Variants in ATP1A3 observed in about 807,000 individuals in gnomAD.
ATP1A3 encodes sodium/potassium-transporting ATPase subunit alpha-3.
Under a neutral mutation model 108.8 loss-of-function variants are expected in ATP1A3, and 12 were observed. That is an observed-to-expected ratio of 0.11 (90% CI 0.07 to 0.18). The LOEUF (loss-of-function observed/expected upper bound fraction) is 0.18, where lower values mean the gene tolerates loss of function less well. ATP1A3 is among the 10% of genes least tolerant of loss of function. The pLI is 1.00. For synonymous variants in ATP1A3, 539 were observed against 564.5 expected (o/e 0.95, Z 0.64); for missense variants, 498 against 1,387.7 (o/e 0.36, Z 10.19).
rs782577052 is a variant in ATP1A3, at chr19:41,968,939, C to T, written c.2689-24G>A. 10 of 1,613,206 alleles carry T rather than the reference C, an allele frequency of 6.2e-6. No individual in the cohort carries two copies. The highest frequency in any genetic ancestry group is 2.2e-5 in the South Asian group (2 of 91,068). ...GTCTGCAGGAGCGGTGACCAGGGCA[C>T]GGGACGTCAGTTAGTGGCACTGCAG... On this transcript the variant is annotated intron_variant, in intron 19 of 22. Transcript: ENST00000648268. The surrounding 1 kb of genome is among the most constrained non-coding windows in gnomAD (Gnocchi z 5.0).
chr19:41,966,865 T>C lies in ATP1A3; in HGVS notation c.*72A>G, dbSNP rs186061886. ...GGGCTCCTCCCCCCAGAATACAAAATTGGGGGGACTGACAGGGGCGGTCCT... is the reference window on the plus strand; with the variant it reads ...GGGCTCCTCCCCCCAGAATACAAAACTGGGGGGACTGACAGGGGCGGTCCT... On this transcript the variant is annotated 3_prime_UTR_variant, in exon 23 of 23. Transcript: ENST00000648268. The C allele has an allele frequency of 6.9e-5, 106 of 1,546,304 alleles. 1 individual carries two copies. In the Admixed American group the frequency reaches 7.1e-4, roughly 10 times the overall value.
At chr19:41,979,376 G>A (rs984361098) in intron 11 of ATP1A3, among the ~76,000 whole-genome samples, 2 of 151,492 alleles carry the variant, frequency 1.3e-5, no homozygotes, top group Admixed American at 6.6e-5. Context: ...GAACAGTGGC[G>A]AGATCACAGC....
intron 16 of ATP1A3, among the ~76,000 whole-genome samples, chr19:41,970,954 C>A (rs549988159): frequency 2.0e-5 from 3 of 150,192 alleles, no homozygotes; most frequent in Non-Finnish European, 4.4e-5. Flanking sequence ...TTTTCTACCC[C>A]CCAGCCCACC....
chr19:41,975,136 C>T (rs1257740669), intron 16 of ATP1A3, among the ~76,000 whole-genome samples: 1 of 152,150 alleles, frequency 6.6e-6, no homozygotes, highest in African/African-American at 2.4e-5. Flanking sequence ...ACTGCAACCT[C>T]CACCTCCTGG....
In ATP1A3 at chr19:41,966,922, G is replaced by A; in HGVS notation, c.*15C>T. On this transcript the variant is annotated 3_prime_UTR_variant, in exon 23 of 23. Transcript: ENST00000648268. ...GGGGGACGGGGAAGAGATGGGCGAT[G>A]TGGTGGGGCTGAGGTCAGTAGTAGG... 6.4e-7 allele frequency: 1 copy of A among 1,551,422 alleles called. No homozygotes were observed. The highest frequency in any genetic ancestry group is 8.7e-7 in the Non-Finnish European group (1 of 1,146,982).
At chr19:41,993,799 G>A (rs1256370665) in intron 1 of ATP1A3, 2 of 638,114 alleles carry the variant, frequency 3.1e-6, no homozygotes, top group African/African-American at 1.9e-5. Context: ...CTGTGCACAT[G>A]CAACCGCACA....
intron 11 of ATP1A3, among the ~76,000 whole-genome samples, chr19:41,980,609 T>C (rs1200183735): frequency 6.6e-6 from 1 of 151,178 alleles, no homozygotes; most frequent in African/African-American, 2.4e-5. Context: ...CAAGACTCCA[T>C]CTCAAAAAAA....
chr19:41,977,998 G>A lies in ATP1A3; in HGVS notation c.1881C>T (p.Gly627=), dbSNP rs782598926. 1 of 1,614,254 alleles carries A rather than the reference G, an allele frequency of 6.2e-7. No homozygotes were observed. The highest frequency in any genetic ancestry group is 1.1e-5 in the South Asian group (1 of 91,088). The change falls in exon 14 of 23, where the codon GGC becomes GGT. Residue 627 remains glycine, a synonymous_variant. Transcript: ENST00000648268. The part of the protein sequence containing the change: ...IAKGVGIISE[G]NETVEDIAAR... ...CGGCGATGTCCTCCACAGTCTCGTT[G>A]CCCTCAGAGATGATGCCCACACCCT...
rs1555865215 is a variant in ATP1A3, at chr19:41,985,821, C to A, written c.606+43G>T. 4.3e-6 allele frequency: 7 copies of A among 1,609,410 alleles called. No homozygotes were observed. Among genetic ancestry groups the A allele is most frequent in the Non-Finnish European group, 5.9e-6 (7 of 1,179,026 alleles). ...GAGGGGCTGGGCCTGAGCTCCTGGG[C>A]AGCCCGAGGGAGGGTAAAGCCGGGC... On this transcript the variant is annotated intron_variant, in intron 6 of 22. Coordinates refer to ENST00000648268, the MANE Select transcript of ATP1A3 (RefSeq NM_152296.5). The surrounding 1 kb of genome is among the most constrained non-coding windows in gnomAD (Gnocchi z 8.2).
At chr19:41,972,786 GGGAAGGAAGGAAGGAAGGGGAAGGAA>G (rs1225079238) in intron 16 of ATP1A3, among the ~76,000 whole-genome samples, 1 of 144,250 alleles carries the variant, frequency 6.9e-6, no homozygotes, top group South Asian at 2.3e-4. Flanking sequence ...GGAGGGGAGG[GGGAAGGAAGGAAGGAAGGGGAAGGAA>G]GGAAGGAAGG....
chr19:41,990,979 G>C (rs2075332525), intron 1 of ATP1A3: 1 of 152,440 alleles, frequency 6.6e-6, no homozygotes, highest in Non-Finnish European at 1.5e-5. Context: ...CCTTAACAGA[G>C]GCTGGGCATG....
Position 41,984,933 on chromosome 19 carries a change from C to G in ATP1A3, c.978G>C (p.Leu326=), listed in dbSNP as rs782123773. 1.2e-5 allele frequency: 19 copies of G among 1,613,212 alleles called. No individual in the cohort carries two copies. The East Asian group carries it at 4.0e-4, about 34-fold the overall frequency. The change falls in exon 8 of 23, where the codon CTG becomes CTC. Residue 326 remains leucine, a synonymous_variant. Coordinates refer to ENST00000648268, the MANE Select transcript of ATP1A3 (RefSeq NM_152296.5). ...GIIVANVPEG[L]LATVTVCLTL... is the part of the protein sequence containing the mutation. ...CTGGCCTTACAGTGACAGTGGCCAG[C>G]AGACCCTCTGGGACATTGGCCACGA... is the stretch of plus-strand genomic sequence containing the variant.
chr19:41,991,962 T>C (rs1202590031), intron 1 of ATP1A3, among the ~76,000 whole-genome samples: 1 of 118,368 alleles, frequency 8.4e-6, no homozygotes, highest in East Asian at 2.5e-4. Context: ...GGATTCCTGG[T>C]CTGAGGGAAG....
At chr19:41,989,803 C>T (rs1325515673) in intron 1 of ATP1A3, among the ~76,000 whole-genome samples, 2 of 152,082 alleles carry the variant, frequency 1.3e-5, no homozygotes, top group African/African-American at 2.4e-5. Context: ...GGCTGTTTCT[C>T]TCTCTTGATA....
In ATP1A3 at chr19:41,970,375, T is replaced by A. The variant is rs782707908; in HGVS notation, c.2418+13A>T. The A allele has an allele frequency of 4.4e-5, 71 of 1,614,128 alleles. No individual in the cohort carries two copies. The highest frequency in any genetic ancestry group is 5.5e-5 in the Non-Finnish European group (65 of 1,180,052). On this transcript the variant is annotated intron_variant, in intron 17 of 22. Transcript: ENST00000648268. ...CACCCTCCTGGGCCCCAAGGGTGGCTGCCAGGGCTCACCATGTCAGTGCCC... is the reference window on the plus strand; with the variant it reads ...CACCCTCCTGGGCCCCAAGGGTGGCAGCCAGGGCTCACCATGTCAGTGCCC...
At position 41,985,384 on chromosome 19, in the gene ATP1A3, T is replaced by G; in HGVS notation, c.646A>C (p.Thr216Pro). The G allele has an allele frequency of 1.2e-6, 2 of 1,613,826 alleles. No individual in the cohort carries two copies. The highest frequency in any genetic ancestry group is 1.7e-6 in the Non-Finnish European group (2 of 1,179,900). ...TCGTGAGTGCAGTCGGGAGAGCGAGTCTGGGGCTCGGATTCGCCAGTCAGG... is the reference window on the plus strand; with the variant it reads ...TCGTGAGTGCAGTCGGGAGAGCGAGGCTGGGGCTCGGATTCGCCAGTCAGG... ...SSLTGESEPQ[T>P]RSPDCTHDNP... is the part of the protein sequence containing the mutation. Residue 216 changes from threonine to proline, a missense_variant, in exon 7 of 23, where the codon ACT becomes CCT. Transcript: ENST00000648268. This position sits in a 1 kb window ranked among gnomAD's most constrained non-coding sequence, Gnocchi z 8.2.
In ATP1A3 at chr19:41,985,196, A is replaced by T; in HGVS notation, c.725-10T>A. 6.2e-7 allele frequency: 1 copy of T among 1,613,806 alleles called. No homozygotes were observed. On this transcript the variant is annotated splice_polypyrimidine_tract_variant and intron_variant, in intron 7 of 22. Coordinates refer to ENST00000648268, the MANE Select transcript of ATP1A3 (RefSeq NM_152296.5). This position sits in a 1 kb window ranked among gnomAD's most constrained non-coding sequence, Gnocchi z 8.2. ...ACGCCCCGAGCCGTGCCTGCAGGCC[A>T]GAGGGGTTAGGCTGAGGTGGGGTGG... is the stretch of plus-strand genomic sequence containing the variant.
rs782815165 is a variant in ATP1A3, at chr19:41,970,171, C to A, written c.2542+14G>T. 3 of 1,614,132 alleles carry A rather than the reference C, an allele frequency of 1.9e-6. No individual in the cohort carries two copies. Among genetic ancestry groups the A allele is most frequent in the South Asian group, 2.2e-5 (2 of 91,076 alleles). Reference sequence around the variant, plus strand: ...GCACTGGGTGGTAAGGAGATGGAGTCCCCGGTGCCTCACCAATCTGCCCGT... The same window carrying A: ...GCACTGGGTGGTAAGGAGATGGAGTACCCGGTGCCTCACCAATCTGCCCGT... On this transcript the variant is annotated intron_variant, in intron 18 of 22. Transcript: ENST00000648268.
chr19:41,990,821 TCTC>T (rs1414211268), intron 1 of ATP1A3: 35 of 151,728 alleles, frequency 2.3e-4, no homozygotes, highest in East Asian at 1.4e-3. Context: ...CTCTCTGAGA[TCTC>T]CTCTCTCTGT....
Sources: allele counts gnomAD v4.1 joint callset (sites outside exome capture counted in the v4.1 genomes callset), GRCh38; gene constraint gnomAD v4.1.1; non-coding constraint Gnocchi (gnomAD v3.1); transcripts MANE v1.5; gene names NCBI Gene and HGNC (gene_info 2026-07-23, HGNC 2026-07-21).